The following MRAS variants were observed in gnomAD, a reference collection of about 807,000 sequenced individuals.
MRAS encodes the protein muscle RAS oncogene homolog, also known as ras-related protein M-Ras.
A neutral mutation model predicts 20.9 loss-of-function variants in MRAS; 4 were observed. That is an observed-to-expected ratio of 0.19 (90% CI 0.09 to 0.44). The LOEUF (loss-of-function observed/expected upper bound fraction) is 0.44. Ranked by LOEUF, MRAS falls within the 20% of genes least tolerant of loss-of-function variation. The probability of loss-of-function intolerance (pLI) is 0.99; values close to 1 mark genes in which losing one functional copy is unlikely to be tolerated. For synonymous variants in MRAS, 98 were observed against 102.9 expected (o/e 0.95, Z 0.29); for missense variants, 154 against 277.5 (o/e 0.56, Z 3.16).
chr3:138,361,462 G>A (rs1337348822), intron 1 of MRAS, among the ~76,000 whole-genome samples: 1 of 152,202 alleles, frequency 6.6e-6, no homozygotes, highest in Non-Finnish European at 1.5e-5. Flanking sequence ...GCCTTGCTAG[G>A]CCTTGGCCTG....
intron 1 of MRAS, among the ~76,000 whole-genome samples, chr3:138,357,934 C>T (rs1454370465): frequency 2.0e-5 from 3 of 152,224 alleles, no homozygotes; most frequent in African/African-American, 7.2e-5. Flanking sequence ...ACCAATTTTC[C>T]TGGATACTTT....
intron 1 of MRAS, 64 bp from the exon 2 acceptor site, chr3:138,372,800 CAT>C (rs2054702331): frequency 1.7e-6 from 2 of 1,157,712 alleles, no homozygotes; most frequent in Non-Finnish European, 2.4e-6. Flanking sequence ...AGGAGGAAAA[CAT>C]ATGAATATTT....
chr3:138,396,742 T>C (rs1354209697), intron 2 of MRAS, among the ~76,000 whole-genome samples: 2 of 151,914 alleles, frequency 1.3e-5, no homozygotes. Context: ...GAGGGGCCGC[T>C]CCTCCCCCAG....
intron 1 of MRAS, among the ~76,000 whole-genome samples, chr3:138,356,953 G>A (rs920176008): frequency 3.3e-5 from 5 of 152,198 alleles, no homozygotes; most frequent in East Asian, 1.9e-4. Flanking sequence ...ATCTGGGGCT[G>A]GGTGGGTGTT....
chr3:138,389,832 A>G (rs2055092652), intron 2 of MRAS, among the ~76,000 whole-genome samples: 1 of 151,680 alleles, frequency 6.6e-6, no homozygotes, highest in Non-Finnish European at 1.5e-5. Context: ...CAGCAGGAAC[A>G]CGGTGGGTGG....
chr3:138,377,598 C>A (rs999981079), intron 2 of MRAS, among the ~76,000 whole-genome samples: 1 of 152,110 alleles, frequency 6.6e-6, no homozygotes, highest in African/African-American at 2.4e-5. Context: ...TGGTCTGCAC[C>A]CCTCAGATGG....
chr3:138,375,308 T>C (rs2054761054), intron 2 of MRAS, among the ~76,000 whole-genome samples: 1 of 152,260 alleles, frequency 6.6e-6, no homozygotes, highest in Admixed American at 6.5e-5. Flanking sequence ...AATTCTTATG[T>C]CTGTGTTCTT....
chr3:138,396,699 C>T (rs995645263), intron 2 of MRAS, among the ~76,000 whole-genome samples: 4 of 152,050 alleles, frequency 2.6e-5, no homozygotes, highest in African/African-American at 4.8e-5. Flanking sequence ...GAAGAGCTTC[C>T]AGCCCCAGCC....
At chr3:138,400,273 T>C (rs1395023283) in intron 4 of MRAS, 3 of 399,302 alleles carry the variant, frequency 7.5e-6, no homozygotes, top group Non-Finnish European at 1.3e-5. Context: ...TATAAAAAGA[T>C]CACTTTATTC....
At chr3:138,352,769 G>A (rs1337760049) in intron 1 of MRAS, among the ~76,000 whole-genome samples, 1 of 152,052 alleles carries the variant, frequency 6.6e-6, no homozygotes, top group Non-Finnish European at 1.5e-5. Context: ...ATTCGGCTGT[G>A]CAGCTTGTAG....
rs529839917 is a variant in MRAS at position 138,403,949 on chromosome 3, C to T, written c.*1680C>T. On this transcript the variant is annotated 3_prime_UTR_variant, in exon 6 of 6. Transcript: ENST00000423968. ...GGCAAGATCACCAGCACTGAGGGGC[C>T]CAGCTGGAGAATGATTCTGCTACAA... 50 of 152,218 alleles carry T rather than the reference C, an allele frequency of 3.3e-4. No individual in the cohort carries two copies. The highest frequency in any genetic ancestry group is 1.2e-3 in the African/African-American group (50 of 41,532). The allele number at this position is 152,218 out of a possible 1,614,324, so 9.4% of individuals were successfully genotyped here. A position where few individuals can be genotyped will look rare whatever the true frequency, so the allele number is the denominator to read the frequency against.
chr3:138,383,117 G>GA (rs149900772), intron 2 of MRAS, among the ~76,000 whole-genome samples: 1 of 152,036 alleles, frequency 6.6e-6, no homozygotes, highest in South Asian at 2.1e-4. Context: ...AAGGATAAAT[G>GA]AAAAAAATAC....
chr3:138,398,437 C>A (rs1355487058), intron 3 of MRAS, 32 bp from the exon 4 acceptor site: 1 of 1,595,452 alleles, frequency 6.3e-7, no homozygotes, highest in Non-Finnish European at 8.6e-7. Flanking sequence ...GTGGTGGAAA[C>A]CTCACAGAGC....
At chr3:138,376,105 G>A (rs891475531) in intron 2 of MRAS, among the ~76,000 whole-genome samples, 18 of 152,248 alleles carry the variant, frequency 1.2e-4, no homozygotes, top group African/African-American at 2.4e-4. Flanking sequence ...AAAAAGCACC[G>A]TCCTCCAAGG....
chr3:138,349,795 C>T (rs1374397450), intron 1 of MRAS: 1 of 152,210 alleles, frequency 6.6e-6, no homozygotes, highest in Non-Finnish European at 1.5e-5. Context: ...ACTTTAAGAG[C>T]TCTGAAACTC....
chr3:138,387,756 T>C (rs2055046717), intron 2 of MRAS, among the ~76,000 whole-genome samples: 1 of 152,198 alleles, frequency 6.6e-6, no homozygotes, highest in African/African-American at 2.4e-5. Flanking sequence ...AAGAGCAGCA[T>C]TGAGGGTTCT....
chr3:138,364,536 G>GT (rs1241757973), intron 1 of MRAS, among the ~76,000 whole-genome samples: 13 of 152,230 alleles, frequency 8.5e-5, no homozygotes, highest in African/African-American at 3.1e-4. Context: ...AGGATTTCCA[G>GT]TTGAGGGGCC....
At chr3:138,367,081 G>T (rs1382156245) in intron 1 of MRAS, among the ~76,000 whole-genome samples, 1 of 152,208 alleles carries the variant, frequency 6.6e-6, no homozygotes, top group Non-Finnish European at 1.5e-5. Flanking sequence ...TTGCCATTTT[G>T]TGGGGGCTGT....
Position 138,369,585 on chromosome 3 carries a change from G to A in MRAS, c.-18-3281G>A, listed in dbSNP as rs4678259. 4.9e-3 allele frequency among the ~76,000 whole-genome samples: 749 copies of A among 152,298 alleles called. 9 individuals are homozygous for A. Among genetic ancestry groups the A allele is most frequent in the South Asian group, 0.032 (153 of 4,822 alleles). ...GGACTTTCCTCCTCAGCATTGTGGG[G>A]CACTGAAAGGGTTTTCACAAGGGGC... On this transcript the variant is annotated intron_variant, in intron 1 of 5. Transcript: ENST00000423968.
Sources: gnomAD v4.1 joint callset for allele counts (sites outside exome capture counted in the v4.1 genomes callset) on GRCh38, gnomAD v4.1.1 for gene constraint, MANE v1.5 for transcripts, NCBI Gene and HGNC (gene_info 2026-07-23, HGNC 2026-07-21) for gene names.